CRYBG3: variants seen among roughly 807,000 people sequenced by gnomAD.
CRYBG3 encodes the protein crystallin beta-gamma domain containing 3.
CRYBG3 carries 127 observed loss-of-function variants against 244.2 expected under a neutral mutation model. The observed-to-expected ratio is 0.52, with a 90% CI of 0.45 to 0.60. CRYBG3 has a LOEUF of 0.60. CRYBG3 is among the 20% of genes least tolerant of loss of function. The pLI is 0.00. For missense variants in CRYBG3, 3,325 were observed against 3,442.5 expected, an observed-to-expected ratio of 0.97 and a Z score of 0.85; for synonymous variants, 1,132 against 1,195.8, an observed-to-expected ratio of 0.95 and a Z score of 1.10.
At chr3:97,915,295 C>T (rs1342219084) in intron 16 of CRYBG3, among the ~76,000 whole-genome samples, 1 of 152,032 alleles carries the variant, frequency 6.6e-6, no homozygotes, top group Non-Finnish European at 1.5e-5. Context: ...TTTGAGGAAC[C>T]ATGGGAAAAT....
At chr3:97,845,069 C>G (rs2038880157) in intron 2 of CRYBG3, among the ~76,000 whole-genome samples, 1 of 152,180 alleles carries the variant, frequency 6.6e-6, no homozygotes. Context: ...CCTAGCCGCA[C>G]AGACCCAGTT....
intron 2 of CRYBG3, among the ~76,000 whole-genome samples, chr3:97,863,719 T>C (rs867183743): frequency 3.3e-5 from 5 of 152,112 alleles, no homozygotes; most frequent in African/African-American, 9.7e-5. Context: ...AAAGGCTAAA[T>C]TTAAATACTC....
At chr3:97,920,090 A>G (rs2039967884) in intron 17 of CRYBG3, among the ~76,000 whole-genome samples, 1 of 152,164 alleles carries the variant, frequency 6.6e-6, no homozygotes, top group Non-Finnish European at 1.5e-5. Flanking sequence ...TTATATAAAT[A>G]TCACAAATGC....
At chr3:97,913,538 T>A (rs2039896888) in intron 16 of CRYBG3, among the ~76,000 whole-genome samples, 1 of 152,184 alleles carries the variant, frequency 6.6e-6, no homozygotes, top group African/African-American at 2.4e-5. Flanking sequence ...AAATTTTAAT[T>A]GTATGTAACA....
At chr3:97,901,315 T>C (rs2039704834) in intron 15 of CRYBG3, among the ~76,000 whole-genome samples, 1 of 152,188 alleles carries the variant, frequency 6.6e-6, no homozygotes, top group Non-Finnish European at 1.5e-5. Context: ...AAGCCAAATA[T>C]AGTAATTACT....
intron 16 of CRYBG3, among the ~76,000 whole-genome samples, chr3:97,912,544 A>T (rs1158729935): frequency 6.6e-6 from 1 of 152,232 alleles, no homozygotes; most frequent in Non-Finnish European, 1.5e-5. Context: ...AAATATTTTG[A>T]ATGTTTATAT....
At chr3:97,935,615 T>G (rs1455593612) in intron 18 of CRYBG3, among the ~76,000 whole-genome samples, 2 of 152,072 alleles carry the variant, frequency 1.3e-5, no homozygotes, top group Non-Finnish European at 2.9e-5. Flanking sequence ...TTTTCCTGCA[T>G]TACCTGAAGA....
chr3:97,869,472 A>C (rs1459592246), intron 3 of CRYBG3, among the ~76,000 whole-genome samples: 1 of 152,176 alleles, frequency 6.6e-6, no homozygotes, highest in African/African-American at 2.4e-5. Context: ...AGAAGTTGCC[A>C]TCGCATTTTT....
At chr3:97,885,249 C>G (rs1464441340) in intron 7 of CRYBG3, among the ~76,000 whole-genome samples, 2 of 152,042 alleles carry the variant, frequency 1.3e-5, no homozygotes, top group Non-Finnish European at 2.9e-5. Flanking sequence ...TATAAACTTG[C>G]TTGCTTTTGT....
Position 97,876,051 on chromosome 3 carries a change from A to G in CRYBG3, c.4857A>G (p.Glu1619=), listed in dbSNP as rs1169319174. The part of the protein sequence containing the change: ...TEGSAVILGM[E]KAYKMKDTEG... ...GATCAGCTGTCATTTTAGGAATGGA[A>G]AAAGCTTATAAGATGAAGGATACTG... The change falls in exon 4 of 22, where the codon GAA becomes GAG. Residue 1619 remains glutamate, a synonymous_variant. Coordinates refer to ENST00000389622, the MANE Select transcript of CRYBG3 (RefSeq NM_153605.4). 1.8e-5 allele frequency: 22 copies of G among 1,231,974 alleles called. No individual in the cohort carries two copies. Among genetic ancestry groups the G allele is most frequent in the Non-Finnish European group, 2.2e-5 (22 of 987,948 alleles). 76.3% of individuals were successfully genotyped at this position (1,231,974 alleles called of 1,614,324 possible).
At chr3:97,831,695 TA>T (rs908758975) in intron 1 of CRYBG3, among the ~76,000 whole-genome samples, 1 of 152,248 alleles carries the variant, frequency 6.6e-6, no homozygotes, top group African/African-American at 2.4e-5. Flanking sequence ...ACTTCACTGT[TA>T]GAGTGGGGGG....
rs1292806976 is a variant in CRYBG3, at chr3:97,874,293, T to C, written c.3099T>C (p.Ser1033=). 5 of 1,528,864 alleles carry C rather than the reference T, an allele frequency of 3.3e-6. No homozygotes were observed. The highest frequency in any genetic ancestry group is 3.5e-6 in the Non-Finnish European group (4 of 1,145,264). 94.7% of individuals were successfully genotyped at this position (1,528,864 alleles called of 1,614,324 possible). The change falls in exon 4 of 22, where the codon TCT becomes TCC. Residue 1033 remains serine, a synonymous_variant. Coordinates refer to ENST00000389622, the MANE Select transcript of CRYBG3 (RefSeq NM_153605.4). ...ACTCAAGCTTCCTTAAAGTACCTTC[T>C]GTGCTGAAATTGGAAAAGAAATCCT... ...SEDSSFLKVP[S]VLKLEKKSSS... is the part of the protein sequence containing the mutation.
At chr3:97,941,406 C>A in intron 20 of CRYBG3, 100 bp downstream of exon 20, 1 of 808,530 alleles carries the variant, frequency 1.2e-6, no homozygotes, top group Non-Finnish European at 1.9e-6. Context: ...AACAATGCAA[C>A]TTCTTAGAAA....
intron 17 of CRYBG3, among the ~76,000 whole-genome samples, chr3:97,926,748 A>G (rs889300397): frequency 2.0e-5 from 3 of 152,106 alleles, no homozygotes; most frequent in Non-Finnish European, 2.9e-5. Context: ...CAGTGTAGAA[A>G]AATCAGTAGC....
intron 2 of CRYBG3, among the ~76,000 whole-genome samples, chr3:97,843,906 G>C (rs2038859278): frequency 6.6e-6 from 1 of 151,982 alleles, no homozygotes; most frequent in South Asian, 2.1e-4. Context: ...ATCACGTTTT[G>C]GTAGCTATCC....
intron 2 of CRYBG3, among the ~76,000 whole-genome samples, chr3:97,849,520 G>A (rs1227807993): frequency 6.6e-6 from 1 of 152,122 alleles, no homozygotes; most frequent in Non-Finnish European, 1.5e-5. Context: ...TGACCAAATG[G>A]ACTGTCAGGG....
chr3:97,935,776 A>G (rs542513264), intron 18 of CRYBG3, among the ~76,000 whole-genome samples: 2 of 152,172 alleles, frequency 1.3e-5, no homozygotes, highest in East Asian at 3.9e-4. Context: ...GCTCTGGTCC[A>G]TCTGATAAGC....
chr3:97,868,300 AT>A (rs1376299433), intron 3 of CRYBG3, among the ~76,000 whole-genome samples: 57 of 151,424 alleles, frequency 3.8e-4, no homozygotes, highest in African/African-American at 5.8e-4. Flanking sequence ...AAAAAAAAAA[AT>A]ATTATTGAAT....
intron 6 of CRYBG3, 88 bp downstream of exon 6, chr3:97,880,188 G>A (rs2039428938): frequency 1.5e-6 from 1 of 646,952 alleles, no homozygotes; most frequent in Non-Finnish European, 2.6e-6. Context: ...ATTTTTTATT[G>A]AAGTCATATT....
Sources: allele counts gnomAD v4.1 joint callset (sites outside exome capture counted in the v4.1 genomes callset), GRCh38; gene constraint gnomAD v4.1.1; transcripts MANE v1.5; gene names NCBI Gene and HGNC (gene_info 2026-07-23, HGNC 2026-07-21).